The following TFAP2E variants were observed in gnomAD, a reference collection of about 807,000 sequenced individuals.
TFAP2E encodes the protein transcription factor AP-2-epsilon.
Under a neutral mutation model 37.9 loss-of-function variants are expected in TFAP2E, and 30 were observed. That is an observed-to-expected ratio of 0.79 (90% CI 0.59 to 1.07). TFAP2E has a LOEUF of 1.07. Ranked by LOEUF, TFAP2E falls within the 50% of genes least tolerant of loss-of-function variation. The pLI is 0.00. For synonymous variants in TFAP2E, 318 were observed against 295.8 expected (o/e 1.08, Z -0.77); for missense variants, 567 against 637.9 (o/e 0.89, Z 1.20).
Position 35,594,455 on chromosome 1 carries a change from C to T in TFAP2E, c.1108C>T (p.Arg370Cys), listed in dbSNP as rs201962301. 2.2e-4 allele frequency: 357 copies of T among 1,614,158 alleles called. 2 individuals carry two copies. Among genetic ancestry groups the T allele is most frequent in the South Asian group, 1.8e-3 (167 of 91,080 alleles). Reference sequence around the variant, plus strand: ...GGACCGCTCACCGCTGGGCAACAGCCGCCCAGCACTCATCCTGGAGCCCGG... The same window carrying T: ...GGACCGCTCACCGCTGGGCAACAGCTGCCCAGCACTCATCCTGGAGCCCGG... ...AQDRSPLGNS[R>C]PALILEPGVQ... Residue 370 changes from arginine (R) to cysteine (C), a missense_variant, in exon 7 of 7, where the codon CGC (arginine) becomes TGC (cysteine). Around this residue, in one of 3 missense-constraint regions of TFAP2E, gnomAD observed 252 missense variants for 302.6 expected, o/e 0.83. Transcript: ENST00000373235.
intron 6 of TFAP2E, 99 bp from the exon 7 acceptor site, chr1:35,594,295 A>G: frequency 6.9e-7 from 1 of 1,452,774 alleles, no homozygotes; most frequent in Non-Finnish European, 9.3e-7. Flanking sequence ...AGGGTCAGCA[A>G]TTGTGTAGCT....
At chr1:35,580,481 C>T (rs2148548049) in intron 3 of TFAP2E, among the ~76,000 whole-genome samples, 1 of 152,188 alleles carries the variant, frequency 6.6e-6, no homozygotes, top group Admixed American at 6.5e-5. Context: ...CAAATTTTGG[C>T]CAGGTGCAGT....
intron 3 of TFAP2E, among the ~76,000 whole-genome samples, chr1:35,582,406 A>T (rs1649373121): frequency 6.6e-6 from 1 of 151,420 alleles, no homozygotes; most frequent in Non-Finnish European, 1.5e-5. Context: ...ACAGTCCTTT[A>T]TCAGATATAT....
At chr1:35,574,673 T>C in intron 2 of TFAP2E, 1 of 660,344 alleles carries the variant, frequency 1.5e-6, no homozygotes, top group Non-Finnish European at 2.5e-6. Flanking sequence ...CGCTGCCACG[T>C]GTGGCATCCA....
At chr1:35,592,250 A>G (rs1440203251) in intron 6 of TFAP2E, among the ~76,000 whole-genome samples, 1 of 150,834 alleles carries the variant, frequency 6.6e-6, no homozygotes, top group Non-Finnish European at 1.5e-5. Flanking sequence ...GCATCGCTGT[A>G]CTCTAGCCTG....
intron 3 of TFAP2E, among the ~76,000 whole-genome samples, chr1:35,579,170 TG>T (rs1649273233): frequency 1.7e-5 from 2 of 117,726 alleles, no homozygotes; most frequent in African/African-American, 6.6e-5. Flanking sequence ...CCGAGGCGGG[TG>T]GATCACCTGA....
intron 3 of TFAP2E, among the ~76,000 whole-genome samples, chr1:35,580,623 AC>A (rs1557434606): frequency 6.6e-6 from 1 of 151,928 alleles, no homozygotes; most frequent in African/African-American, 2.4e-5. Flanking sequence ...ACCAAAAAAA[AC>A]ATTAGCTGGG....
Position 35,590,450 on chromosome 1 carries a change from C to A in TFAP2E, c.905-184C>A, listed in dbSNP as rs1649624259. ...TCCCATCTCTGAGCTCAGAGCCCAA[C>A]CCTAATGGCCCCAAGGTGGGGCAAT... On this transcript the variant is annotated intron_variant, in intron 5 of 6. Transcript: ENST00000373235. The surrounding 1 kb of genome is among the most constrained non-coding windows in gnomAD (Gnocchi z 6.2). Among the ~76,000 whole-genome samples the A allele has an allele frequency of 6.6e-6, 1 of 152,026 alleles. No individual in the cohort carries two copies. The highest frequency in any genetic ancestry group is 1.5e-5 in the Non-Finnish European group (1 of 67,966).
In TFAP2E at chr1:35,573,482, C is replaced by A; in HGVS notation, c.-96C>A. Reference sequence around the variant, plus strand: ...CCCAGCTACCGCACCGTGACCTCCGCGGGCTGTGCCGGCTCCCGGCGCCTC... The same window carrying A: ...CCCAGCTACCGCACCGTGACCTCCGAGGGCTGTGCCGGCTCCCGGCGCCTC... On this transcript the variant is annotated 5_prime_UTR_variant, in exon 1 of 7. Coordinates refer to ENST00000373235, the MANE Select transcript of TFAP2E (RefSeq NM_178548.4). This position sits in a 1 kb window ranked among gnomAD's most constrained non-coding sequence, Gnocchi z 5.9. The A allele has an allele frequency of 7.3e-7, 1 of 1,377,056 alleles. No homozygotes were observed. The highest frequency in any genetic ancestry group is 9.4e-7 in the Non-Finnish European group (1 of 1,064,886). 85.3% of individuals were successfully genotyped at this position (1,377,056 alleles called of 1,614,324 possible).
In TFAP2E at chr1:35,590,532, C is replaced by A; in HGVS notation, c.905-102C>A. On this transcript the variant is annotated intron_variant, in intron 5 of 6. Transcript: ENST00000373235. The surrounding 1 kb of genome is among the most constrained non-coding windows in gnomAD (Gnocchi z 6.2). ...ACATCAGAGGGGGCATCTACACAGG[C>A]AGGATGGGGCAGGATACCCCTGACC... 1 of 1,333,440 alleles carries A rather than the reference C, an allele frequency of 7.5e-7. No homozygotes were observed. Among genetic ancestry groups the A allele is most frequent in the Non-Finnish European group, 9.8e-7 (1 of 1,016,352 alleles). 82.6% of individuals were successfully genotyped at this position (1,333,440 alleles called of 1,614,324 possible).
rs184792819 is a variant in TFAP2E at position 35,577,410 on chromosome 1, C to T, written c.562+2410C>T. 19 of 456,802 alleles carry T rather than the reference C, an allele frequency of 4.2e-5. No homozygotes were observed. Among genetic ancestry groups the T allele is most frequent in the African/African-American group, 3.6e-4 (18 of 50,218 alleles). 28.3% of individuals were successfully genotyped at this position (456,802 alleles called of 1,614,324 possible). A position where few individuals can be genotyped will look rare whatever the true frequency, so the allele number is the denominator to read the frequency against. ...CGCCCTCCTTCGTCCTCGGCCCTTC[C>T]GACGGCACGAGGAACTCCTGTCCTG... is the stretch of plus-strand genomic sequence containing the variant. On this transcript the variant is annotated intron_variant, in intron 3 of 6. Transcript: ENST00000373235. This position sits in a 1 kb window ranked among gnomAD's most constrained non-coding sequence, Gnocchi z 6.3.
Position 35,590,722 on chromosome 1 carries a change from G to A in TFAP2E, c.993G>A (p.Gln331=). Residue 331 remains glutamine (Q), a synonymous_variant, in exon 6 of 7, where the codon CAG becomes CAA. Coordinates refer to ENST00000373235, the MANE Select transcript of TFAP2E (RefSeq NM_178548.4). This position sits in a 1 kb window ranked among gnomAD's most constrained non-coding sequence, Gnocchi z 6.2. ...AKAAAEYLCR[Q]HADPGELHSR... ...CAGCTGCCGAGTACCTGTGCCGACA[G>A]CACGCTGACCCGGGGGAGCTGCACA... 1 of 1,550,918 alleles carries A rather than the reference G, an allele frequency of 6.4e-7. No homozygotes were observed. The highest frequency in any genetic ancestry group is 8.8e-7 in the Non-Finnish European group (1 of 1,138,670).
chr1:35,576,394 G>C (rs185284249), intron 3 of TFAP2E, among the ~76,000 whole-genome samples: 1 of 152,170 alleles, frequency 6.6e-6, no homozygotes, highest in Non-Finnish European at 1.5e-5. Context: ...AGCTCTGCTG[G>C]TGGGGCTTGG....
In TFAP2E at chr1:35,588,266, G is replaced by A; in HGVS notation, c.563-64G>A. The stretch of plus-strand genomic sequence containing the variant: ...CTCCCTTCATAAAGCAAGGATACCA[G>A]ACCCTCCCTTGAGTGGGGCTGTGTG... On this transcript the variant is annotated intron_variant, in intron 3 of 6. Coordinates refer to ENST00000373235, the MANE Select transcript of TFAP2E (RefSeq NM_178548.4). This position sits in a 1 kb window ranked among gnomAD's most constrained non-coding sequence, Gnocchi z 5.1. 1 of 1,497,594 alleles carries A rather than the reference G, an allele frequency of 6.7e-7. No individual in the cohort carries two copies. The highest frequency in any genetic ancestry group is 9.0e-7 in the Non-Finnish European group (1 of 1,106,224). 92.8% of individuals were successfully genotyped at this position (1,497,594 alleles called of 1,614,324 possible). A position where few individuals can be genotyped will look rare whatever the true frequency, so the allele number is the denominator to read the frequency against.
chr1:35,591,587 A>G (rs942428009), intron 6 of TFAP2E, among the ~76,000 whole-genome samples: 4 of 152,230 alleles, frequency 2.6e-5, no homozygotes, highest in Non-Finnish European at 4.4e-5. Context: ...GCCCCACTGC[A>G]TAAGAATCTT....
In TFAP2E at chr1:35,574,209, C is replaced by G. The variant is rs1176123997; in HGVS notation, c.310C>G (p.Arg104Gly). The change falls in exon 2 of 7, where the codon CGC becomes GGC. Residue 104 changes from arginine to glycine, a missense_variant. This residue lies in a region of TFAP2E where 312 missense variants were observed against 317.4 expected (regional missense o/e 0.98). Coordinates refer to ENST00000373235, the MANE Select transcript of TFAP2E (RefSeq NM_178548.4). Reference sequence around the variant, plus strand: ...TCCTCAGGCCGCCTGGGCCGCGCCCCGCGCAGCCGCCCGCGCCCACGAGGA... The same window carrying G: ...TCCTCAGGCCGCCTGGGCCGCGCCCGGCGCAGCCGCCCGCGCCCACGAGGA... ...QPPQAAWAAP[R>G]AAARAHEEPP... 5 of 1,246,852 alleles carry G rather than the reference C, an allele frequency of 4.0e-6. No individual in the cohort carries two copies. The African/African-American group carries it at 6.6e-5, about 16-fold the overall frequency. The allele number at this position is 1,246,852 out of a possible 1,614,324, so 77.2% of individuals were successfully genotyped here.
Position 35,577,900 on chromosome 1 carries a change from C to T in TFAP2E, c.562+2900C>T, listed in dbSNP as rs1649229500. Reference sequence around the variant, plus strand: ...GACCCTAGGAGTATAAGGGAGCCCTCCATTTCCTGCCCACATTTGTCACCT... The same window carrying T: ...GACCCTAGGAGTATAAGGGAGCCCTTCATTTCCTGCCCACATTTGTCACCT... On this transcript the variant is annotated intron_variant, in intron 3 of 6. Coordinates refer to ENST00000373235, the MANE Select transcript of TFAP2E (RefSeq NM_178548.4). This position sits in a 1 kb window ranked among gnomAD's most constrained non-coding sequence, Gnocchi z 6.3. Among the ~76,000 whole-genome samples the T allele has an allele frequency of 1.3e-5, 2 of 152,168 alleles. No homozygotes were observed. Among genetic ancestry groups the T allele is most frequent in the African/African-American group, 2.4e-5 (1 of 41,442 alleles).
intron 3 of TFAP2E, among the ~76,000 whole-genome samples, chr1:35,579,193 C>T (rs1649274044): frequency 1.3e-5 from 2 of 149,324 alleles, no homozygotes; most frequent in South Asian, 2.1e-4. Context: ...GTCTGGAGTT[C>T]GAGACCAGCC....
At position 35,590,913 on chromosome 1, in the gene TFAP2E, T is replaced by C; in HGVS notation, c.1046+138T>C. ...TGCGCACCACTGTGTACACGAGCAG[T>C]GGGCACACACACATACGTGCGCACC... is the stretch of plus-strand genomic sequence containing the variant. On this transcript the variant is annotated intron_variant, in intron 6 of 6. Coordinates refer to ENST00000373235, the MANE Select transcript of TFAP2E (RefSeq NM_178548.4). This position sits in a 1 kb window ranked among gnomAD's most constrained non-coding sequence, Gnocchi z 6.2. 2 of 1,045,816 alleles carry C rather than the reference T, an allele frequency of 1.9e-6. No homozygotes were observed. The highest frequency in any genetic ancestry group is 2.5e-6 in the Non-Finnish European group (2 of 802,498). 64.8% of individuals were successfully genotyped at this position (1,045,816 alleles called of 1,614,324 possible).
Sources: gnomAD v4.1 joint callset for allele counts (sites outside exome capture counted in the v4.1 genomes callset) on GRCh38, gnomAD v4.1.1 for gene constraint, gnomAD v4.1.1 regional missense constraint, Gnocchi (gnomAD v3.1) non-coding constraint, MANE v1.5 for transcripts, NCBI Gene and HGNC (gene_info 2026-07-23, HGNC 2026-07-21) for gene names.